Variants in LRRC4C observed in about 807,000 individuals in gnomAD.
LRRC4C encodes the protein leucine rich repeat containing 4C.
LRRC4C carries 5 observed loss-of-function variants against 33.6 expected under a neutral mutation model. The observed-to-expected ratio is 0.15, with a 90% confidence interval of 0.08 to 0.31. The LOEUF is 0.31. LRRC4C is among the 10% of genes least tolerant of loss of function. The pLI is 1.00. For missense variants in LRRC4C, 560 were observed against 796.7 expected, an observed-to-expected ratio of 0.70 and a Z score of 3.58; for synonymous variants, 329 against 302.0, an observed-to-expected ratio of 1.09 and a Z score of -0.93.
At chr11:40,856,601 A>C (rs2135792853) in intron 2 of LRRC4C, among the ~76,000 whole-genome samples, 1 of 152,358 alleles carries the variant, frequency 6.6e-6, no homozygotes, top group African/African-American at 2.4e-5. Context: ...AAAATGCATA[A>C]GATAGAGTAT....
chr11:40,147,063 T>C (rs1331226460), intron 5 of LRRC4C, among the ~76,000 whole-genome samples: 3 of 152,184 alleles, frequency 2.0e-5, no homozygotes, highest in Non-Finnish European at 4.4e-5. Context: ...GAAAGCCAAG[T>C]GTTCTCTTTA....
chr11:41,418,229 T>C (rs749499524), intron 1 of LRRC4C, among the ~76,000 whole-genome samples: 3 of 151,942 alleles, frequency 2.0e-5, no homozygotes, highest in African/African-American at 4.8e-5. Context: ...GAGACACAAA[T>C]ATAAACTTTT....
At chr11:40,701,549 G>A (rs915829179) in intron 2 of LRRC4C, among the ~76,000 whole-genome samples, 3 of 151,098 alleles carry the variant, frequency 2.0e-5, no homozygotes, top group Non-Finnish European at 3.0e-5. Flanking sequence ...TCATGTAAAT[G>A]ATATATTTGG....
At chr11:41,313,574 G>A (rs12282072) in intron 1 of LRRC4C, among the ~76,000 whole-genome samples, 17,609 of 152,174 alleles carry the variant, frequency 0.12, 1,134 homozygotes, top group South Asian at 0.21. Flanking sequence ...TTGAGACAGT[G>A]CTCATTTACA....
chr11:40,630,939 T>C (rs1376415435), intron 3 of LRRC4C, among the ~76,000 whole-genome samples: 2 of 152,208 alleles, frequency 1.3e-5, no homozygotes, highest in African/African-American at 4.8e-5. Context: ...TTTCTGTGCA[T>C]CTTAAACAGA....
chr11:40,495,311 A>G (rs1399660740), intron 3 of LRRC4C, among the ~76,000 whole-genome samples: 3 of 152,172 alleles, frequency 2.0e-5, no homozygotes, highest in African/African-American at 7.2e-5. Flanking sequence ...CCAGAAAAAA[A>G]TTAATAAATT....
chr11:40,204,780 G>A (rs1241211300), intron 5 of LRRC4C, among the ~76,000 whole-genome samples: 1 of 152,114 alleles, frequency 6.6e-6, no homozygotes, highest in Admixed American at 6.5e-5. Flanking sequence ...TCTAGATTTA[G>A]TTCTAGCTTC....
At chr11:41,273,158 A>T (rs1029474580) in intron 1 of LRRC4C, among the ~76,000 whole-genome samples, 3 of 152,164 alleles carry the variant, frequency 2.0e-5, no homozygotes, top group Non-Finnish European at 4.4e-5. Flanking sequence ...GTTAGTGAGG[A>T]TGTGGAGAAA....
intron 3 of LRRC4C, among the ~76,000 whole-genome samples, chr11:40,425,588 G>T (rs187203654): frequency 1.1e-4 from 17 of 152,270 alleles, no homozygotes; most frequent in South Asian, 2.1e-4. Context: ...TACCCATTGG[G>T]TAAGAAGTTA....
At chr11:40,841,870 A>G (rs551504794) in intron 2 of LRRC4C, among the ~76,000 whole-genome samples, 1 of 152,228 alleles carries the variant, frequency 6.6e-6, no homozygotes, top group African/African-American at 2.4e-5. Context: ...AGCTGCCAAC[A>G]GTTAACTTAG....
intron 5 of LRRC4C, among the ~76,000 whole-genome samples, chr11:40,172,710 A>G (rs1038790267): frequency 3.3e-5 from 5 of 151,804 alleles, no homozygotes; most frequent in African/African-American, 1.2e-4. Context: ...GGGCAGAGGG[A>G]CCTTCTATCC....
chr11:41,400,864 A>T (rs1953999496), intron 1 of LRRC4C, among the ~76,000 whole-genome samples: 1 of 151,914 alleles, frequency 6.6e-6, no homozygotes, highest in Non-Finnish European at 1.5e-5. Context: ...GAAAAAGTCC[A>T]TATTTAAATA....
At chr11:41,408,187 T>C (rs961208736) in intron 1 of LRRC4C, among the ~76,000 whole-genome samples, 2 of 152,214 alleles carry the variant, frequency 1.3e-5, no homozygotes, top group Non-Finnish European at 2.9e-5. Flanking sequence ...CCAAGCCGGT[T>C]GTATTTAATT....
chr11:40,451,176 G>A (rs1422232817), intron 3 of LRRC4C, among the ~76,000 whole-genome samples: 1 of 151,040 alleles, frequency 6.6e-6, no homozygotes, highest in Non-Finnish European at 1.5e-5. Flanking sequence ...AAAGATCAGA[G>A]CAAAAGTGGA....
intron 1 of LRRC4C, among the ~76,000 whole-genome samples, chr11:41,218,763 A>ATTTTTTTT (rs1184491274): frequency 4.6e-5 from 5 of 108,906 alleles, no homozygotes; most frequent in East Asian, 2.3e-4. Context: ...TGCATATGTC[A>ATTTTTTTT]TTTTTTTTTT....
chr11:40,564,939 G>C (rs10837437), intron 3 of LRRC4C, among the ~76,000 whole-genome samples: 1 of 151,930 alleles, frequency 6.6e-6, no homozygotes, highest in South Asian at 2.1e-4. Context: ...CCCAACTGTA[G>C]CTTTCAGTGG....
intron 2 of LRRC4C, among the ~76,000 whole-genome samples, chr11:40,690,971 A>G (rs1945194644): frequency 6.6e-6 from 1 of 152,074 alleles, no homozygotes; most frequent in South Asian, 2.1e-4. Context: ...TGAAACAAGC[A>G]GGAGGGTGAA....
At chr11:41,397,253 C>T (rs1402859887) in intron 1 of LRRC4C, among the ~76,000 whole-genome samples, 1 of 151,936 alleles carries the variant, frequency 6.6e-6, no homozygotes, top group East Asian at 1.9e-4. Context: ...GCCTACCCCT[C>T]CTGCCTCCTC....
chr11:40,851,293 G>T (rs889467753), intron 2 of LRRC4C, among the ~76,000 whole-genome samples: 1 of 152,146 alleles, frequency 6.6e-6, no homozygotes, highest in Admixed American at 6.5e-5. Context: ...CTCCTGGTGG[G>T]TGGGTTGTGA....
Sources: gnomAD v4.1 joint callset for allele counts (sites outside exome capture counted in the v4.1 genomes callset) on GRCh38, gnomAD v4.1.1 for gene constraint, MANE v1.5 for transcripts, NCBI Gene and HGNC (gene_info 2026-07-23, HGNC 2026-07-21) for gene names.